Variants in SCHIP1 observed in about 807,000 individuals in gnomAD.
SCHIP1 encodes schwannomin interacting protein 1.
SCHIP1 carries 8 observed loss-of-function variants against 29.7 expected under a neutral mutation model. The ratio of observed to expected loss-of-function variants is 0.27; its 90% CI spans 0.16 to 0.49. SCHIP1 has a LOEUF of 0.49. Among genes scored for constraint, SCHIP1 ranks in the 20% least tolerant of loss-of-function variants. The probability of loss-of-function intolerance (pLI) is 0.99; values close to 1 mark genes in which losing one functional copy is unlikely to be tolerated. For synonymous variants in SCHIP1, 76 were observed against 94.9 expected, an observed-to-expected ratio of 0.80 and a Z score of 1.16; for missense variants, 193 against 294.6, an observed-to-expected ratio of 0.66 and a Z score of 2.52.
At chr3:159,693,315 C>T in the SCHIP1 span, among the ~76,000 whole-genome samples, 1 of 152,120 alleles carries the variant, frequency 6.6e-6, no homozygotes, top group African/African-American at 2.4e-5. Context: ...TAAGATCTCT[C>T]TTTCTTCCAA....
At chr3:159,339,995 C>A in the SCHIP1 span, among the ~76,000 whole-genome samples, 1 of 151,930 alleles carries the variant, frequency 6.6e-6, no homozygotes, top group Non-Finnish European at 1.5e-5. Flanking sequence ...TAGAATAATT[C>A]TAATAACCAG....
the SCHIP1 span, among the ~76,000 whole-genome samples, chr3:159,755,062 C>T: frequency 6.6e-5 from 10 of 152,042 alleles, no homozygotes; most frequent in Non-Finnish European, 7.4e-5. Context: ...AGTGAAACCC[C>T]GTCTCTACTA....
At chr3:159,580,004 T>C in the SCHIP1 span, among the ~76,000 whole-genome samples, 1 of 152,186 alleles carries the variant, frequency 6.6e-6, no homozygotes, top group Non-Finnish European at 1.5e-5. Context: ...TTCAGAAATA[T>C]AGCCATAAAC....
At chr3:159,829,391 CA>C in the SCHIP1 span, among the ~76,000 whole-genome samples, 1 of 151,372 alleles carries the variant, frequency 6.6e-6, no homozygotes, top group Non-Finnish European at 1.5e-5. Context: ...CCAAGCCCCC[CA>C]AAAAAAATCA....
the SCHIP1 span, among the ~76,000 whole-genome samples, chr3:159,757,139 T>G: frequency 6.6e-6 from 1 of 152,226 alleles, no homozygotes; most frequent in Admixed American, 6.5e-5. Flanking sequence ...TGGTACAAAT[T>G]TACTGTATTA....
At chr3:159,395,299 T>C in the SCHIP1 span, among the ~76,000 whole-genome samples, 1 of 152,108 alleles carries the variant, frequency 6.6e-6, no homozygotes, top group Non-Finnish European at 1.5e-5. Flanking sequence ...TTTTGAAGGG[T>C]TTTTTGTGTC....
At chr3:159,505,967 T>A in the SCHIP1 span, among the ~76,000 whole-genome samples, 1 of 152,360 alleles carries the variant, frequency 6.6e-6, no homozygotes, top group Admixed American at 6.5e-5. Flanking sequence ...TGATTTATAA[T>A]CCTTTGGGTA....
chr3:159,715,114 G>A, the SCHIP1 span, among the ~76,000 whole-genome samples: 1 of 152,302 alleles, frequency 6.6e-6, no homozygotes, highest in South Asian at 2.1e-4. Context: ...GCCTCTGCTG[G>A]TAATACCCAG....
chr3:159,856,657 C>T (rs1463723325), intron 1 of SCHIP1, among the ~76,000 whole-genome samples: 1 of 152,218 alleles, frequency 6.6e-6, no homozygotes, highest in African/African-American at 2.4e-5. Flanking sequence ...GGTGAGTGGG[C>T]CCAGGGCCGG....
chr3:159,893,127 A>AT (rs1717705773), intron 6 of SCHIP1: 1 of 152,048 alleles, frequency 6.6e-6, no homozygotes, highest in Non-Finnish European at 1.5e-5. Flanking sequence ...TCAATGTGTA[A>AT]TGCTGGGTAA....
chr3:159,426,812 A>G, the SCHIP1 span, among the ~76,000 whole-genome samples: 1 of 152,374 alleles, frequency 6.6e-6, no homozygotes, highest in African/African-American at 2.4e-5. Context: ...TGAATCCAGC[A>G]GCACATCAAA....
the SCHIP1 span, among the ~76,000 whole-genome samples, chr3:159,611,723 A>T: frequency 2.0e-5 from 3 of 152,198 alleles, no homozygotes; most frequent in East Asian, 3.8e-4. Context: ...TTCCCAAAAT[A>T]GCATAGGTAA....
the SCHIP1 span, among the ~76,000 whole-genome samples, chr3:159,334,640 A>G: frequency 6.6e-6 from 1 of 152,164 alleles, no homozygotes; most frequent in African/African-American, 2.4e-5. Context: ...ATTATTCAGC[A>G]TGTAACTTTT....
chr3:159,698,444 G>C, the SCHIP1 span, among the ~76,000 whole-genome samples: 5 of 152,142 alleles, frequency 3.3e-5, no homozygotes, highest in Admixed American at 2.6e-4. Context: ...TTTGTGCAAG[G>C]CCAAAAGATA....
chr3:159,683,778 C>T, the SCHIP1 span, among the ~76,000 whole-genome samples: 1 of 152,198 alleles, frequency 6.6e-6, no homozygotes. Flanking sequence ...TCAACCAGAG[C>T]TCCACTTGTG....
chr3:159,299,587 T>A, the SCHIP1 span, among the ~76,000 whole-genome samples: 1 of 152,196 alleles, frequency 6.6e-6, no homozygotes. Context: ...AAAATGTGTG[T>A]TCCTCATTTT....
chr3:159,757,887 C>A, the SCHIP1 span, among the ~76,000 whole-genome samples: 173 of 152,250 alleles, frequency 1.1e-3, no homozygotes, highest in African/African-American at 3.9e-3. Flanking sequence ...AAGACATGAC[C>A]AAAACAGTTT....
the SCHIP1 span, among the ~76,000 whole-genome samples, chr3:159,560,540 C>T: frequency 7.9e-5 from 12 of 152,292 alleles, no homozygotes; most frequent in African/African-American, 2.9e-4. Flanking sequence ...CCTTATCCCA[C>T]TGAGTTAAGT....
the SCHIP1 span, among the ~76,000 whole-genome samples, chr3:159,756,600 A>T: frequency 6.6e-6 from 1 of 152,214 alleles, no homozygotes; most frequent in Non-Finnish European, 1.5e-5. Context: ...GCTCCTTGTT[A>T]CTTATGCAAA....
Sources: allele counts gnomAD v4.1 joint callset (sites outside exome capture counted in the v4.1 genomes callset), GRCh38; gene constraint gnomAD v4.1.1; transcripts MANE v1.5; gene names NCBI Gene and HGNC (gene_info 2026-07-23, HGNC 2026-07-21).